TENM3: variants seen among roughly 807,000 people sequenced by gnomAD.
The protein encoded by TENM3 is teneurin-3.
TENM3 carries 63 observed loss-of-function variants against 255.1 expected under a neutral mutation model. The ratio of observed to expected loss-of-function variants is 0.25; its 90% CI spans 0.20 to 0.30. The LOEUF (loss-of-function observed/expected upper bound fraction) is 0.30. Ranked by LOEUF, TENM3 falls within the 10% of genes least tolerant of loss-of-function variation. The pLI, the probability that TENM3 is intolerant of heterozygous loss-of-function variation, is 1.00. For synonymous variants in TENM3, 1,306 were observed against 1,322.3 expected, an observed-to-expected ratio of 0.99 and a Z score of 0.27; for missense variants, 2,929 against 3,461.1, an observed-to-expected ratio of 0.85 and a Z score of 3.86.
At chr4:181,506,343 AC>A in the TENM3 span, among the ~76,000 whole-genome samples, 61 of 151,868 alleles carry the variant, frequency 4.0e-4, 1 homozygote, top group Non-Finnish European at 1.8e-4. Context: ...TTACTCAGTG[AC>A]ATGCATGGTG....
At chr4:182,511,288 G>A (rs779953789) in intron 3 of TENM3, among the ~76,000 whole-genome samples, 37 of 152,050 alleles carry the variant, frequency 2.4e-4, no homozygotes, top group Admixed American at 1.3e-4. Context: ...AAAAATAAAC[G>A]TGTTTTGAGC....
chr4:182,625,491 C>A (rs188198062), intron 4 of TENM3, among the ~76,000 whole-genome samples: 2 of 152,170 alleles, frequency 1.3e-5, no homozygotes, highest in South Asian at 4.1e-4. Flanking sequence ...TCCCCACCCC[C>A]CTATTCCTGG....
At chr4:181,857,562 A>AC in the TENM3 span, among the ~76,000 whole-genome samples, 122 of 98,570 alleles carry the variant, frequency 1.2e-3, no homozygotes, top group African/African-American at 2.6e-3. Flanking sequence ...AAAAAAAAAA[A>AC]AAAAAAAAAA....
At chr4:181,915,430 A>G in the TENM3 span, among the ~76,000 whole-genome samples, 1 of 152,178 alleles carries the variant, frequency 6.6e-6, no homozygotes, top group African/African-American at 2.4e-5. Flanking sequence ...AGAATCAGAC[A>G]TAGTCCTTAA....
chr4:182,385,846 T>G (rs1767883436), intron 3 of TENM3, among the ~76,000 whole-genome samples: 1 of 152,244 alleles, frequency 6.6e-6, no homozygotes, highest in Non-Finnish European at 1.5e-5. Flanking sequence ...CTATTTTTCT[T>G]GGAAGAATAC....
chr4:181,753,082 A>G, the TENM3 span, among the ~76,000 whole-genome samples: 1 of 152,184 alleles, frequency 6.6e-6, no homozygotes, highest in African/African-American at 2.4e-5. Flanking sequence ...TTTAAAGGAC[A>G]TAAGAATCCT....
intron 3 of TENM3, among the ~76,000 whole-genome samples, chr4:182,472,808 T>A (rs76192460): frequency 0.021 from 3,233 of 152,256 alleles, 55 homozygotes; most frequent in Non-Finnish European, 0.033. Context: ...TTTGACCTCC[T>A]GGGATCAAGC....
the TENM3 span, among the ~76,000 whole-genome samples, chr4:182,080,803 G>A: frequency 1.3e-5 from 2 of 151,470 alleles, no homozygotes; most frequent in East Asian, 1.9e-4. Flanking sequence ...ACAAGCCTAG[G>A]CAACATAGGG....
At chr4:181,641,550 G>GTATATATATATATA in the TENM3 span, among the ~76,000 whole-genome samples, 4 of 49,038 alleles carry the variant, frequency 8.2e-5, no homozygotes, top group African/African-American at 4.4e-4. Context: ...TCCATGGTGT[G>GTATATATATATATA]TGTGTATATA....
the TENM3 span, among the ~76,000 whole-genome samples, chr4:181,922,146 T>C: frequency 1.3e-5 from 2 of 152,230 alleles, no homozygotes; most frequent in South Asian, 4.1e-4. Flanking sequence ...CAGTATTTTA[T>C]TGAGGATTTT....
At chr4:181,624,681 C>T in the TENM3 span, among the ~76,000 whole-genome samples, 1 of 152,216 alleles carries the variant, frequency 6.6e-6, no homozygotes, top group Non-Finnish European at 1.5e-5. Flanking sequence ...TATGCTTTCT[C>T]CCTAGCCATC....
chr4:182,527,819 C>A (rs149089679), intron 3 of TENM3, among the ~76,000 whole-genome samples: 1 of 152,112 alleles, frequency 6.6e-6, no homozygotes, highest in Non-Finnish European at 1.5e-5. Flanking sequence ...CCTCTGCCTC[C>A]GGGGTTCAAG....
chr4:182,426,007 C>CAAAAAAAAAAAAAAAAAAAAA lies in TENM3; in HGVS notation c.511+79081_511+79101dup, dbSNP rs55836889. ...TAAGAGACAGAGCGAGAGTCCATGTCAAAAAAAAAAAAAAAAAAAAAAACA... is the reference window on the plus strand; with the variant it reads ...TAAGAGACAGAGCGAGAGTCCATGTCAAAAAAAAAAAAAAAAAAAAAAAAAAAAAAAAAAAAAAAAAAAACA... On this transcript the variant is annotated intron_variant, in intron 3 of 27. Coordinates refer to ENST00000511685, the MANE Select transcript of TENM3 (RefSeq NM_001080477.4). Among the ~76,000 whole-genome samples the CAAAAAAAAAAAAAAAAAAAAA allele has an allele frequency of 5.0e-3, 451 of 90,658 alleles. 10 individuals carry two copies. Among genetic ancestry groups the CAAAAAAAAAAAAAAAAAAAAA allele is most frequent in the Non-Finnish European group, 6.5e-3 (295 of 45,334 alleles). 59.5% of individuals were successfully genotyped at this position (90,658 alleles called of 152,430 possible).
At chr4:182,620,232 C>T (rs907677480) in intron 4 of TENM3, among the ~76,000 whole-genome samples, 1 of 152,170 alleles carries the variant, frequency 6.6e-6, no homozygotes, top group Admixed American at 6.5e-5. Flanking sequence ...TGTCTACTCT[C>T]CATATAGCCG....
chr4:181,495,034 C>T, the TENM3 span, among the ~76,000 whole-genome samples: 2 of 152,128 alleles, frequency 1.3e-5, no homozygotes, highest in African/African-American at 4.8e-5. Context: ...TTCAAAATGA[C>T]TTACTGAGAA....
chr4:182,530,033 T>A lies in TENM3; in HGVS notation c.512-70891T>A, dbSNP rs143358315. Among the ~76,000 whole-genome samples the A allele has an allele frequency of 7.4e-4, 113 of 152,326 alleles. No homozygotes were observed. The Middle Eastern group carries it at 0.01, about 14-fold the overall frequency. On this transcript the variant is annotated intron_variant, in intron 3 of 27. Transcript: ENST00000511685. ...AGTAAAGGAAAATTACTTTTTGAAA[T>A]AACTGGGAATTTCAGACTGGTCTGT... is the stretch of plus-strand genomic sequence containing the variant.
the TENM3 span, among the ~76,000 whole-genome samples, chr4:181,592,067 A>G: frequency 6.6e-6 from 1 of 152,128 alleles, no homozygotes; most frequent in African/African-American, 2.4e-5. Context: ...AGGAAGAGCG[A>G]CTGCAAAGGA....
intron 3 of TENM3, among the ~76,000 whole-genome samples, chr4:182,365,573 G>A (rs1368539809): frequency 5.9e-5 from 9 of 152,196 alleles, no homozygotes; most frequent in African/African-American, 2.2e-4. Context: ...ATTTACTGCA[G>A]TTCAGAGTAG....
the TENM3 span, among the ~76,000 whole-genome samples, chr4:181,810,704 G>A: frequency 6.6e-6 from 1 of 152,054 alleles, no homozygotes. Flanking sequence ...CGGATCCACA[G>A]GACAGAATTA....
Sources: gnomAD v4.1 joint callset for allele counts (sites outside exome capture counted in the v4.1 genomes callset) on GRCh38, gnomAD v4.1.1 for gene constraint, MANE v1.5 for transcripts, NCBI Gene and HGNC (gene_info 2026-07-23, HGNC 2026-07-21) for gene names.